Variants in ZFC3H1 observed in about 807,000 individuals in gnomAD.
ZFC3H1 encodes the protein zinc finger C3H1 domain-containing protein.
ZFC3H1 carries 71 observed loss-of-function variants against 243.7 expected under a neutral mutation model. The observed-to-expected ratio is 0.29, with a 90% CI of 0.24 to 0.36. ZFC3H1 has a LOEUF of 0.36. ZFC3H1 is among the 10% of genes least tolerant of loss of function. ZFC3H1 has a pLI of 1.00. For synonymous variants in ZFC3H1, 838 were observed against 813.0 expected, an observed-to-expected ratio of 1.03 and a Z score of -0.52; for missense variants, 1,966 against 2,317.1, an observed-to-expected ratio of 0.85 and a Z score of 3.11.
chr12:71,612,660 T>C (rs11611299), intron 31 of ZFC3H1, among the ~76,000 whole-genome samples: 8 of 152,198 alleles, frequency 5.3e-5, no homozygotes, highest in Non-Finnish European at 1.0e-4. Flanking sequence ...ATAAATATTT[T>C]AGGCATCTTA....
chr12:71,610,852 ATC>A, intron 33 of ZFC3H1, 95 bp from the exon 34 acceptor site: 1 of 1,443,670 alleles, frequency 6.9e-7, no homozygotes. Context: ...TCACAATAAC[ATC>A]TGAGACAAAA....
chr12:71,632,567 AT>A (rs2137535524), intron 14 of ZFC3H1, 53 bp from the exon 15 acceptor site: 2 of 1,504,542 alleles, frequency 1.3e-6, no homozygotes, highest in Non-Finnish European at 8.8e-7. Flanking sequence ...TTTATAAACA[AT>A]TTTTGGTAAG....
intron 2 of ZFC3H1, among the ~76,000 whole-genome samples, chr12:71,652,998 A>C (rs1880930561): frequency 6.6e-6 from 1 of 152,158 alleles, no homozygotes; most frequent in Non-Finnish European, 1.5e-5. Context: ...CAAAATCACT[A>C]AATGTTCAAG....
At chr12:71,658,235 C>G (rs1217432023) in intron 1 of ZFC3H1, among the ~76,000 whole-genome samples, 1 of 149,642 alleles carries the variant, frequency 6.7e-6, no homozygotes, top group Non-Finnish European at 1.5e-5. Flanking sequence ...CAGATATTAG[C>G]AAGAGAAAAG....
At chr12:71,640,391 C>T (rs1178235018) in intron 6 of ZFC3H1, among the ~76,000 whole-genome samples, 1 of 152,226 alleles carries the variant, frequency 6.6e-6, no homozygotes, top group African/African-American at 2.4e-5. Context: ...GAGCACTGGC[C>T]AGAAAGACCA....
chr12:71,628,053 G>A (rs1880214626), intron 20 of ZFC3H1, 119 bp from the exon 21 acceptor site: 8 of 983,092 alleles, frequency 8.1e-6, no homozygotes, highest in Non-Finnish European at 1.2e-5. Flanking sequence ...CTAATGACAT[G>A]TACTAGCTCA....
intron 1 of ZFC3H1, among the ~76,000 whole-genome samples, chr12:71,661,948 TAA>T (rs1455412496): frequency 6.6e-6 from 1 of 152,232 alleles, no homozygotes; most frequent in Non-Finnish European, 1.5e-5. Flanking sequence ...ATTCTGGACC[TAA>T]GTGTTCTATA....
In ZFC3H1 at chr12:71,636,929, T is replaced by C; in HGVS notation, c.1856A>G (p.Asp619Gly). The change falls in exon 8 of 35, where the codon GAT (aspartate) becomes GGT (glycine). Residue 619 changes from aspartate to glycine, a missense_variant. By Grantham distance (94) the Asp-to-Gly change is moderately conservative. This residue lies in a region of ZFC3H1 where 1,383 missense variants were observed against 1,723.7 expected (regional missense o/e 0.80). Transcript: ENST00000378743. The stretch of plus-strand genomic sequence containing the variant: ...CAGCATTTCTTCCTCCTCTTCCTCA[T>C]CTGCAAAAGGTGGTTTTGGAGGCTG... ...PEQPPKPPFA[D>G]EEEEEEMLLR... 1 of 1,614,084 alleles carries C rather than the reference T, an allele frequency of 6.2e-7. No individual in the cohort carries two copies. The highest frequency in any genetic ancestry group is 8.5e-7 in the Non-Finnish European group (1 of 1,179,980).
Position 71,644,968 on chromosome 12 carries a change from T to A in ZFC3H1, c.1188A>T (p.Glu396Asp). 1 of 1,613,518 alleles carries A rather than the reference T, an allele frequency of 6.2e-7. No homozygotes were observed. Among genetic ancestry groups the A allele is most frequent in the Non-Finnish European group, 8.5e-7 (1 of 1,180,032 alleles). The change falls in exon 4 of 35, where the codon GAA (glutamate) becomes GAT (aspartate). Residue 396 changes from glutamate (E) to aspartate (D), a missense_variant. Around this residue, in one of 4 missense-constraint regions of ZFC3H1, gnomAD observed 91 missense variants for 107.6 expected, o/e 0.85. Transcript: ENST00000378743. ...TCGTCTTAGTCAACTTTTCTTTGCTTTCTTTCATCACCTGCTGTTCTTTTT... is the reference window on the plus strand; with the variant it reads ...TCGTCTTAGTCAACTTTTCTTTGCTATCTTTCATCACCTGCTGTTCTTTTT... ...WQQKEQQVMK[E>D]SKEKLTKTKT...
At chr12:71,641,497 T>C (rs551715136) in intron 6 of ZFC3H1, among the ~76,000 whole-genome samples, 29 of 152,236 alleles carry the variant, frequency 1.9e-4, no homozygotes, top group Admixed American at 2.6e-4. Flanking sequence ...CGTTCTGTTA[T>C]CTGCCTCAGT....
In ZFC3H1 at chr12:71,632,998, C is replaced by T. The variant is rs778720890; in HGVS notation, c.2705G>A (p.Arg902His). 14 of 1,606,476 alleles carry T rather than the reference C, an allele frequency of 8.7e-6. No homozygotes were observed. The South Asian group carries it at 9.0e-5, about 10-fold the overall frequency. Reference protein sequence around the residue: ...LQEQIHRVQQRVTIKKALTLK... With the variant: ...LQEQIHRVQQHVTIKKALTLK... The stretch of plus-strand genomic sequence containing the variant: ...AGTCAAAGCTTTCTTAATTGTAACA[C>T]GCTGTTGAACTCTGTGAATCTGAAA... Residue 902 changes from arginine (R) to histidine (H), a missense_variant, in exon 14 of 35, where the codon CGT becomes CAT. Transcript: ENST00000378743.
chr12:71,618,278 T>TAA (rs35402725), intron 27 of ZFC3H1, among the ~76,000 whole-genome samples: 11 of 136,740 alleles, frequency 8.0e-5, no homozygotes, highest in Non-Finnish European at 1.8e-4. Flanking sequence ...AAAATAAAAT[T>TAA]AAAAAAAAAA....
In ZFC3H1 at chr12:71,634,160, T is replaced by C; in HGVS notation, c.2505A>G (p.Lys835=). ...GTGAAGATAACAAGGCTCACCTATGTTTTTTCAGTTTTGATTCTGCATCTG... is the reference window on the plus strand; with the variant it reads ...GTGAAGATAACAAGGCTCACCTATGCTTTTTCAGTTTTGATTCTGCATCTG... ...QVTDAESKLK[K]HRILLMKDES... Residue 835 remains lysine, a synonymous_variant, in exon 12 of 35, where the codon AAA becomes AAG. Transcript: ENST00000378743. 6.2e-7 allele frequency: 1 copy of C among 1,610,840 alleles called. No homozygotes were observed. Among genetic ancestry groups the C allele is most frequent in the Admixed American group, 1.7e-5 (1 of 59,268 alleles).
chr12:71,627,683 G>GTAAAAAAACC, intron 21 of ZFC3H1, 68 bp downstream of exon 21: 1 of 1,466,514 alleles, frequency 6.8e-7, no homozygotes, highest in Non-Finnish European at 9.2e-7. Flanking sequence ...ATTACCATAG[G>GTAAAAAAACC]TAAAAAAACC....
intron 30 of ZFC3H1, 49 bp from the exon 31 acceptor site, chr12:71,613,484 T>C (rs1423397909): frequency 1.5e-6 from 2 of 1,350,018 alleles, no homozygotes; most frequent in East Asian, 4.8e-5. Context: ...AAATGTGAAA[T>C]CCAATTACCT....
Position 71,623,584 on chromosome 12 carries a change from G to A in ZFC3H1, c.4520C>T (p.Ser1507Phe), listed in dbSNP as rs1357835952. 9.3e-6 allele frequency: 15 copies of A among 1,606,530 alleles called. No homozygotes were observed. Among genetic ancestry groups the A allele is most frequent in the Non-Finnish European group, 1.3e-5 (15 of 1,177,710 alleles). ...ALAILQNALK[S>F]ANDGIVAEYL... Reference sequence around the variant, plus strand: ...TTCAGCTACTATTCCATCATTAGCAGATTTCAATGCATTCTAGGCAAAATT... The same window carrying A: ...TTCAGCTACTATTCCATCATTAGCAAATTTCAATGCATTCTAGGCAAAATT... The change falls in exon 24 of 35, where the codon TCT becomes TTT. Residue 1507 changes from serine (S) to phenylalanine (F), a missense_variant. Ser to Phe is a radical substitution (Grantham distance 155). This residue lies in a region of ZFC3H1 where 1,383 missense variants were observed against 1,723.7 expected (regional missense o/e 0.80). Coordinates refer to ENST00000378743, the MANE Select transcript of ZFC3H1 (RefSeq NM_144982.5).
chr12:71,614,393 A>C (rs186273841), intron 30 of ZFC3H1, 142 bp downstream of exon 30: 19 of 722,088 alleles, frequency 2.6e-5, no homozygotes, highest in Middle Eastern at 4.1e-4. Flanking sequence ...GATAAATAAG[A>C]AACATAGTCA....
chr12:71,631,600 G>C (rs1880324697), intron 16 of ZFC3H1, among the ~76,000 whole-genome samples, 178 bp downstream of exon 16: 1 of 152,082 alleles, frequency 6.6e-6, no homozygotes, highest in African/African-American at 2.4e-5. Flanking sequence ...ATAAATCCAA[G>C]AGTGTGGTTT....
rs766540778 is a variant in ZFC3H1 at position 71,620,143 on chromosome 12, A to C, written c.4851-19T>G. The stretch of plus-strand genomic sequence containing the variant: ...CTCATACCTTAACAAAAAAGAAAAA[A>C]AAAGGCTAAAGACATGAAAAGATCA... On this transcript the variant is annotated intron_variant, in intron 25 of 34. Transcript: ENST00000378743. The C allele has an allele frequency of 6.9e-6, 11 of 1,605,662 alleles. No homozygotes were observed. The South Asian group carries it at 1.0e-4, about 15-fold the overall frequency.
Sources: gnomAD v4.1 joint callset for allele counts (sites outside exome capture counted in the v4.1 genomes callset) on GRCh38, gnomAD v4.1.1 for gene constraint, gnomAD v4.1.1 regional missense constraint, MANE v1.5 for transcripts, NCBI Gene and HGNC (gene_info 2026-07-23, HGNC 2026-07-21) for gene names.